BNC2: variants seen among roughly 807,000 people sequenced by gnomAD.
The protein encoded by BNC2 is zinc finger protein basonuclin-2.
Under a neutral mutation model 76.3 loss-of-function variants are expected in BNC2, and 20 were observed. The observed-to-expected ratio is 0.26, with a 90% CI of 0.18 to 0.38. BNC2 has a LOEUF of 0.38. BNC2 is among the 10% of genes least tolerant of loss of function. The pLI is 1.00. For missense variants in BNC2, 1,382 were observed against 1,399.8 expected (o/e 0.99, Z 0.20); for synonymous variants, 582 against 514.8 (o/e 1.13, Z -1.77).
intron 3 of BNC2, among the ~76,000 whole-genome samples, chr9:16,616,721 A>C (rs1036576603): frequency 2.7e-5 from 4 of 149,806 alleles, no homozygotes; most frequent in African/African-American, 7.4e-5. Flanking sequence ...TTAATGAATG[A>C]AAGAAAGGAA....
At chr9:16,653,187 G>A (rs941733211) in intron 3 of BNC2, among the ~76,000 whole-genome samples, 1 of 152,050 alleles carries the variant, frequency 6.6e-6, no homozygotes, top group Non-Finnish European at 1.5e-5. Flanking sequence ...GGACAAATGG[G>A]TCTGTGTAGT....
intron 4 of BNC2, among the ~76,000 whole-genome samples, chr9:16,578,981 T>C (rs1819558992): frequency 6.6e-6 from 1 of 152,148 alleles, no homozygotes; most frequent in Admixed American, 6.5e-5. Context: ...TATGGCCATC[T>C]TTTACCAAGA....
At chr9:16,703,839 T>C (rs1340145359) in intron 3 of BNC2, among the ~76,000 whole-genome samples, 1 of 152,168 alleles carries the variant, frequency 6.6e-6, no homozygotes, top group East Asian at 1.9e-4. Flanking sequence ...AATGGAAAAG[T>C]AACTTAGCAG....
At chr9:16,621,216 T>A (rs1820859374) in intron 3 of BNC2, among the ~76,000 whole-genome samples, 1 of 152,184 alleles carries the variant, frequency 6.6e-6, no homozygotes. Flanking sequence ...ACTTTGCCAA[T>A]TTCTTTTGTC....
At chr9:16,532,270 A>G (rs1487520131) in intron 5 of BNC2, among the ~76,000 whole-genome samples, 1 of 152,032 alleles carries the variant, frequency 6.6e-6, no homozygotes, top group East Asian at 1.9e-4. Flanking sequence ...TTATTTTTGT[A>G]ATCTTTGTAA....
At chr9:16,627,110 G>A (rs1350891455) in intron 3 of BNC2, among the ~76,000 whole-genome samples, 4 of 152,166 alleles carry the variant, frequency 2.6e-5, no homozygotes, top group African/African-American at 9.7e-5. Flanking sequence ...CTAATTGTCA[G>A]AGACAGACCT....
intron 1 of BNC2, among the ~76,000 whole-genome samples, chr9:16,808,959 C>T (rs916688360): frequency 6.6e-6 from 1 of 152,094 alleles, no homozygotes; most frequent in Non-Finnish European, 1.5e-5. Context: ...AAGAGAGCTC[C>T]ACCTCCTCTT....
intron 5 of BNC2, among the ~76,000 whole-genome samples, chr9:16,501,005 T>A (rs1822505561): frequency 6.6e-6 from 1 of 152,198 alleles, no homozygotes; most frequent in Admixed American, 6.5e-5. Flanking sequence ...CTAGACTGTG[T>A]GAGTTCAAAT....
intron 3 of BNC2, among the ~76,000 whole-genome samples, chr9:16,705,243 C>T (rs1823632794): frequency 6.7e-6 from 1 of 148,422 alleles, no homozygotes; most frequent in South Asian, 2.2e-4. Flanking sequence ...AATGCCATTT[C>T]CCTAGTTTAA....
intron 3 of BNC2, among the ~76,000 whole-genome samples, chr9:16,617,315 C>T (rs144481727): frequency 3.9e-4 from 60 of 151,958 alleles, no homozygotes; most frequent in African/African-American, 9.4e-4. Flanking sequence ...ACTTTGGTTA[C>T]GAAAAAATAC....
chr9:16,576,159 G>GA (rs1167544092), intron 4 of BNC2, among the ~76,000 whole-genome samples: 1 of 152,060 alleles, frequency 6.6e-6, no homozygotes, highest in Non-Finnish European at 1.5e-5. Context: ...CACCCCTCTG[G>GA]AAAAAAATTT....
intron 5 of BNC2, among the ~76,000 whole-genome samples, chr9:16,493,874 C>G (rs951207822): frequency 6.6e-6 from 1 of 152,028 alleles, no homozygotes; most frequent in African/African-American, 2.4e-5. Context: ...GAAAGCATGG[C>G]GTGTTTAGAG....
At chr9:16,576,188 T>C (rs1480157763) in intron 4 of BNC2, among the ~76,000 whole-genome samples, 3 of 152,352 alleles carry the variant, frequency 2.0e-5, no homozygotes, top group Non-Finnish European at 2.9e-5. Context: ...GAAAATGTTG[T>C]TTTCGTTGGG....
rs964783418 is a variant in BNC2 at position 16,685,687 on chromosome 9, G to T, written c.330+42110C>A. 6.1e-5 allele frequency: 71 copies of T among 1,162,732 alleles called. No homozygotes were observed. The African/African-American group carries it at 9.0e-4, about 15-fold the overall frequency. 72.0% of individuals were successfully genotyped at this position (1,162,732 alleles called of 1,614,324 possible). On this transcript the variant is annotated intron_variant, in intron 3 of 6. Transcript: ENST00000380672. ...TGGAGGCTGCTGAGAACTGCACACA[G>T]TCACACTTGACCCAGGCAGAGAGAG...
intron 5 of BNC2, among the ~76,000 whole-genome samples, chr9:16,450,120 A>G (rs1421288494): frequency 6.6e-6 from 1 of 152,204 alleles, no homozygotes; most frequent in African/African-American, 2.4e-5. Flanking sequence ...TGCATTTTTA[A>G]ACATTATTAA....
At chr9:16,452,415 C>A (rs1171958266) in intron 5 of BNC2, among the ~76,000 whole-genome samples, 2 of 151,938 alleles carry the variant, frequency 1.3e-5, no homozygotes, top group African/African-American at 4.8e-5. Context: ...AATAATGAAC[C>A]ATTACAATTA....
Position 16,492,310 on chromosome 9 carries a change from G to C in BNC2, c.670-54786C>G, listed in dbSNP as rs184256803. 6.0e-4 allele frequency among the ~76,000 whole-genome samples: 92 copies of C among 152,310 alleles called. 1 individual carries two copies. Among genetic ancestry groups the C allele is most frequent in the African/African-American group, 2.0e-3 (85 of 41,578 alleles). On this transcript the variant is annotated intron_variant, in intron 5 of 6. Transcript: ENST00000380672. ...GTGAAAATCTTGGTGATACATCACAGTTGTGGTATATGTAAGAAGTCAGAA... is the reference window on the plus strand; with the variant it reads ...GTGAAAATCTTGGTGATACATCACACTTGTGGTATATGTAAGAAGTCAGAA...
rs762638569 is a variant in BNC2 at position 16,583,056 on chromosome 9, T to A, written c.360A>T (p.Thr120=). 1.2e-6 allele frequency: 2 copies of A among 1,613,902 alleles called. No individual in the cohort carries two copies. Among genetic ancestry groups the A allele is most frequent in the Non-Finnish European group, 1.7e-6 (2 of 1,179,968 alleles). ...QAIRCTLVNC[T]CECFQPGKIN... is the part of the protein sequence containing the mutation. ...TCTTCCCTGGCTGAAAACATTCACATGTGCAGTTTACCAGTGTGCAACGGA... is the reference window on the plus strand; with the variant it reads ...TCTTCCCTGGCTGAAAACATTCACAAGTGCAGTTTACCAGTGTGCAACGGA... The change falls in exon 4 of 7, where the codon ACA becomes ACT. Residue 120 remains threonine (T), a synonymous_variant. Coordinates refer to ENST00000380672, the MANE Select transcript of BNC2 (RefSeq NM_017637.6).
At position 16,418,366 on chromosome 9, in the gene BNC2, T is replaced by C. The variant is rs1406025851; in HGVS notation, c.*623A>G. 1.3e-5 allele frequency: 2 copies of C among 152,798 alleles called. No homozygotes were observed. The highest frequency in any genetic ancestry group is 2.1e-4 in the South Asian group (1 of 4,830). The allele number at this position is 152,798 out of a possible 1,614,324, so 9.5% of individuals were successfully genotyped here. A position where few individuals can be genotyped will look rare whatever the true frequency, so the allele number is the denominator to read the frequency against. On this transcript the variant is annotated 3_prime_UTR_variant, in exon 7 of 7. Transcript: ENST00000380672. Reference sequence around the variant, plus strand: ...AGCCAGCAAACTATCTTTTCCTGCATATCTAACAGCTGGATGTAACTGTAA... The same window carrying C: ...AGCCAGCAAACTATCTTTTCCTGCACATCTAACAGCTGGATGTAACTGTAA...
Sources: allele counts gnomAD v4.1 joint callset (sites outside exome capture counted in the v4.1 genomes callset), GRCh38; gene constraint gnomAD v4.1.1; transcripts MANE v1.5; gene names NCBI Gene and HGNC (gene_info 2026-07-23, HGNC 2026-07-21).